Variants in BAZ2A observed in about 807,000 individuals in gnomAD.
BAZ2A encodes the protein bromodomain adjacent to zinc finger domain 2A.
In BAZ2A, 34 loss-of-function variants were observed where a neutral mutation model predicts 199.9. The observed-to-expected ratio is 0.17, with a 90% confidence interval of 0.13 to 0.23. The LOEUF is 0.23. BAZ2A is among the 10% of genes least tolerant of loss of function. The pLI is 1.00. For synonymous variants in BAZ2A, 857 were observed against 883.9 expected (o/e 0.97, Z 0.54); for missense variants, 2,002 against 2,391.1 (o/e 0.84, Z 3.39).
At chr12:56,632,108 A>C (rs1951326977), upstream of BAZ2A, among the ~76,000 whole-genome samples, 1 of 151,994 alleles carries the variant, frequency 6.6e-6, no homozygotes, top group Non-Finnish European at 1.5e-5. Context: ...TTTACAGGTC[A>C]CCTTGGGGAA....
upstream of BAZ2A, chr12:56,634,861 G>T: frequency 2.1e-6 from 2 of 963,014 alleles, no homozygotes; most frequent in Middle Eastern, 5.4e-4. Context: ...CCCGAATCCC[G>T]GGGCAGCAGG....
intron 1 of BAZ2A, among the ~76,000 whole-genome samples, chr12:56,621,499 TC>T (rs1213242299): frequency 6.6e-6 from 1 of 152,104 alleles, no homozygotes; most frequent in Non-Finnish European, 1.5e-5. Context: ...TAGGTTCAAA[TC>T]CCAACTCTAC....
chr12:56,628,133 G>C (rs1951167388), intron 1 of BAZ2A, among the ~76,000 whole-genome samples: 2 of 110,426 alleles, frequency 1.8e-5, no homozygotes, highest in Admixed American at 2.9e-4. Flanking sequence ...AGTGAGACAA[G>C]ATCACACCAC....
At chr12:56,600,160 T>C in intron 24 of BAZ2A, 41 bp downstream of exon 24, 5 of 1,612,158 alleles carry the variant, frequency 3.1e-6, no homozygotes, top group Non-Finnish European at 4.2e-6. Context: ...AACTTATCCC[T>C]TTCTCTCCAA....
Position 56,606,646 on chromosome 12 carries a change from G to C in BAZ2A, c.2180C>G (p.Thr727Ser). The part of the protein sequence containing the change: ...QKVQRGECQT[T>S]IQGQARNKRK... ...GATGTCCCTCACCTGCCCTTGGATAGTAGTCTGACACTCTCCCCGTTGAAC... is the reference window on the plus strand; with the variant it reads ...GATGTCCCTCACCTGCCCTTGGATACTAGTCTGACACTCTCCCCGTTGAAC... The change falls in exon 11 of 29, where the codon ACT (threonine) becomes AGT (serine). Residue 727 changes from threonine to serine, a missense_variant. Physicochemically the swap from Thr to Ser is moderately conservative, Grantham distance 58. This residue lies in a region of BAZ2A where 1,081 missense variants were observed against 1,274.7 expected (regional missense o/e 0.85). Transcript: ENST00000549884. 1.2e-6 allele frequency: 2 copies of C among 1,613,786 alleles called. No individual in the cohort carries two copies. Among genetic ancestry groups the C allele is most frequent in the Non-Finnish European group, 1.7e-6 (2 of 1,179,774 alleles).
At chr12:56,630,797 TG>T (rs1364334267), upstream of BAZ2A, 1 of 985,508 alleles carries the variant, frequency 1.0e-6, no homozygotes, top group Non-Finnish European at 1.2e-6. Flanking sequence ...CAGTGCAGCC[TG>T]GTCCTGCCTG....
chr12:56,631,815 G>C (rs1168084922), upstream of BAZ2A, among the ~76,000 whole-genome samples: 1 of 152,142 alleles, frequency 6.6e-6, no homozygotes, highest in Non-Finnish European at 1.5e-5. Context: ...GGCAGAGTTG[G>C]GGGGTGAGAT....
intron 10 of BAZ2A, among the ~76,000 whole-genome samples, chr12:56,608,071 T>C (rs1410865097): frequency 2.2e-5 from 3 of 135,390 alleles, no homozygotes; most frequent in Admixed American, 7.7e-5. Flanking sequence ...CAAAACTCCA[T>C]CTGGAAAAAA....
In BAZ2A at chr12:56,598,658, C is replaced by A. The variant is rs1416470421; in HGVS notation, c.5672G>T (p.Arg1891Leu). 8.7e-6 allele frequency: 14 copies of A among 1,613,678 alleles called. No individual in the cohort carries two copies. The highest frequency in any genetic ancestry group is 1.2e-5 in the Non-Finnish European group (14 of 1,179,828). ...GHIMRRFFES[R>L]WEEFYQGKQA... The stretch of plus-strand genomic sequence containing the variant: ...TTTTCCCTGATAAAACTCCTCCCAG[C>A]GGCTCTCGAAGAAGCGGCGCATGAT... Residue 1891 changes from arginine to leucine, a missense_variant, in exon 29 of 29, where the codon CGC becomes CTC. Physicochemically the swap from Arg to Leu is moderately radical, Grantham distance 102. Transcript: ENST00000549884.
At chr12:56,602,610 A>AT (rs768963378) in intron 19 of BAZ2A, 103 bp downstream of exon 19, 175 of 1,438,228 alleles carry the variant, frequency 1.2e-4, no homozygotes, top group Non-Finnish European at 1.5e-4. Context: ...CCATTACGCT[A>AT]TATTATCAGA....
At chr12:56,637,140 G>A (rs764438709), upstream of BAZ2A, among the ~76,000 whole-genome samples, 12 of 152,192 alleles carry the variant, frequency 7.9e-5, no homozygotes, top group Non-Finnish European at 1.5e-4. Flanking sequence ...CCCAGCAAAT[G>A]GCCTTCATGG....
intron 10 of BAZ2A, among the ~76,000 whole-genome samples, chr12:56,609,392 T>C (rs1950486440): frequency 6.6e-6 from 1 of 152,042 alleles, no homozygotes; most frequent in Non-Finnish European, 1.5e-5. Flanking sequence ...ACCTCCATGA[T>C]AGTAGAAATG....
chr12:56,610,637 T>C, intron 7 of BAZ2A, 120 bp from the exon 8 acceptor site: 1 of 827,320 alleles, frequency 1.2e-6, no homozygotes, highest in Admixed American at 2.5e-5. Context: ...TAGAACTGCA[T>C]GCAGATGCAA....
chr12:56,615,895 T>C (rs1950702250), intron 2 of BAZ2A, among the ~76,000 whole-genome samples: 1 of 152,012 alleles, frequency 6.6e-6, no homozygotes, highest in South Asian at 2.1e-4. Flanking sequence ...CTGGCTTTTT[T>C]TTGGTTTATT....
chr12:56,596,093 T>C lies in BAZ2A; in HGVS notation c.*2525A>G, dbSNP rs920555497. ...TTGGTCCTAAAAATATAGAAAGAAA[T>C]AAATTTAAATTCACAAAAAACTGTA... On this transcript the variant is annotated 3_prime_UTR_variant, in exon 29 of 29. Transcript: ENST00000549884. 1 of 152,638 alleles carries C rather than the reference T, an allele frequency of 6.6e-6. No homozygotes were observed. The highest frequency in any genetic ancestry group is 1.5e-5 in the Non-Finnish European group (1 of 68,032). 9.5% of individuals were successfully genotyped at this position (152,638 alleles called of 1,614,324 possible).
chr12:56,613,522 A>G (rs1426178884), intron 4 of BAZ2A, among the ~76,000 whole-genome samples: 1 of 152,202 alleles, frequency 6.6e-6, no homozygotes, highest in Non-Finnish European at 1.5e-5. Context: ...GGTGAAAATG[A>G]AAGGAAAGGC....
At chr12:56,630,900 C>T (rs1951292494), upstream of BAZ2A, 1 of 973,352 alleles carries the variant, frequency 1.0e-6, no homozygotes, top group Non-Finnish European at 1.2e-6. Flanking sequence ...GGCTCTGGAA[C>T]CAGACAGCAA....
upstream of BAZ2A, among the ~76,000 whole-genome samples, chr12:56,634,098 A>G (rs1018444313): frequency 2.0e-5 from 3 of 152,146 alleles, no homozygotes; most frequent in South Asian, 2.1e-4. Flanking sequence ...AAACTTCCCA[A>G]TGGGATTCTC....
chr12:56,599,269 A>G lies in BAZ2A; in HGVS notation c.5262T>C (p.Gly1754=), dbSNP rs201074705. The G allele has an allele frequency of 2.7e-4, 429 of 1,613,316 alleles. 6 individuals carry two copies. The African/African-American group carries it at 5.2e-3, about 20-fold the overall frequency. The change falls in exon 27 of 29, where the codon GGT becomes GGC. Residue 1754 remains glycine, a synonymous_variant. Transcript: ENST00000549884. ...KSGYSLNFSE[G]DGRRRRVLLR... ...ACAGTACCCGGCGTCGGCGGCCATC[A>G]CCCTCTGAGAAGTTCAGCGAATAAC...
Sources: allele counts gnomAD v4.1 joint callset (sites outside exome capture counted in the v4.1 genomes callset), GRCh38; gene constraint gnomAD v4.1.1; regional missense constraint gnomAD v4.1.1; transcripts MANE v1.5; gene names NCBI Gene and HGNC (gene_info 2026-07-23, HGNC 2026-07-21).